The following TMEM132D variants were observed in gnomAD, a reference collection of about 807,000 sequenced individuals.
The protein encoded by TMEM132D is transmembrane protein 132D.
Under a neutral mutation model 62.3 loss-of-function variants are expected in TMEM132D, and 21 were observed. That is an observed-to-expected ratio of 0.34 (90% CI 0.24 to 0.49). The LOEUF is 0.49. Ranked by LOEUF, TMEM132D falls within the 20% of genes least tolerant of loss-of-function variation. The probability of loss-of-function intolerance (pLI) is 0.99; values close to 1 mark genes in which losing one functional copy is unlikely to be tolerated. For synonymous variants in TMEM132D, 621 were observed against 575.6 expected, an observed-to-expected ratio of 1.08 and a Z score of -1.13; for missense variants, 1,346 against 1,402.8, an observed-to-expected ratio of 0.96 and a Z score of 0.65.
At chr12:129,574,691 C>T (rs1877609650) in intron 2 of TMEM132D, among the ~76,000 whole-genome samples, 1 of 151,708 alleles carries the variant, frequency 6.6e-6, no homozygotes, top group Non-Finnish European at 1.5e-5. Context: ...TCAGCATCCA[C>T]AGCGAGATGA....
At chr12:129,314,321 T>C (rs1357908981) in intron 4 of TMEM132D, among the ~76,000 whole-genome samples, 2 of 152,170 alleles carry the variant, frequency 1.3e-5, no homozygotes, top group Non-Finnish European at 2.9e-5. Context: ...TCCGTTTCAT[T>C]CTCCTAAAAG....
intron 3 of TMEM132D, among the ~76,000 whole-genome samples, chr12:129,470,454 G>A (rs963998390): frequency 1.3e-5 from 2 of 152,062 alleles, no homozygotes; most frequent in South Asian, 2.1e-4. Context: ...CCTACTTTGC[G>A]CCAGGCATAT....
rs111739697 is a variant in TMEM132D at position 129,112,598 on chromosome 12, G to A, written c.1444-27896C>T. On this transcript the variant is annotated intron_variant, in intron 5 of 8. Coordinates refer to ENST00000422113, the MANE Select transcript of TMEM132D (RefSeq NM_133448.3). ...GAATCACTTGAACCTGGGAGGCAGA[G>A]GTTGCGGTGAGCCAAGATCATGCCG... Among the ~76,000 whole-genome samples the A allele has an allele frequency of 9.1e-3, 1,391 of 152,346 alleles. 30 individuals carry two copies. The highest frequency in any genetic ancestry group is 0.032 in the African/African-American group (1,324 of 41,578).
rs373367311 is a variant in TMEM132D at position 129,692,941 on chromosome 12, C to T, written c.968+6869G>A. Among the ~76,000 whole-genome samples the T allele has an allele frequency of 2.6e-5, 4 of 152,068 alleles. No individual in the cohort carries two copies. The East Asian group carries it at 5.8e-4, about 22-fold the overall frequency. On this transcript the variant is annotated intron_variant, in intron 2 of 8. Transcript: ENST00000422113. ...AAGTGCAGCAAACCACCACGGCACA[C>T]GTTAACCTATGTAACAAACCTGCAC...
chr12:129,405,815 T>C (rs1051252747), intron 3 of TMEM132D, among the ~76,000 whole-genome samples: 2 of 152,144 alleles, frequency 1.3e-5, no homozygotes, highest in South Asian at 2.1e-4. Flanking sequence ...TACTATAATA[T>C]TTAGGTGACT....
intron 1 of TMEM132D, among the ~76,000 whole-genome samples, chr12:129,839,560 G>T (rs1181378738): frequency 6.6e-6 from 1 of 152,120 alleles, no homozygotes; most frequent in African/African-American, 2.4e-5. Flanking sequence ...ACTGTGCCCG[G>T]CCTTAAACTT....
intron 3 of TMEM132D, among the ~76,000 whole-genome samples, chr12:129,516,786 A>G (rs975427001): frequency 1.3e-5 from 2 of 152,230 alleles, no homozygotes; most frequent in African/African-American, 2.4e-5. Context: ...CATAATGTGG[A>G]TTGACTCCTT....
intron 2 of TMEM132D, among the ~76,000 whole-genome samples, chr12:129,602,793 C>A (rs1275734511): frequency 2.6e-5 from 4 of 152,030 alleles, no homozygotes; most frequent in South Asian, 2.1e-4. Context: ...AAAGACACAC[C>A]CAAACTGGGT....
chr12:129,560,067 C>T (rs139089983), intron 2 of TMEM132D, among the ~76,000 whole-genome samples: 8 of 152,238 alleles, frequency 5.3e-5, no homozygotes, highest in South Asian at 4.1e-4. Flanking sequence ...AAAAGTGTAA[C>T]GCTGACAGCT....
chr12:129,850,132 A>G (rs2137351970), intron 1 of TMEM132D, among the ~76,000 whole-genome samples: 1 of 152,328 alleles, frequency 6.6e-6, no homozygotes, highest in African/African-American at 2.4e-5. Context: ...GAGGAAGCGA[A>G]AGGCCCAAGT....
chr12:129,679,305 T>C (rs1880722202), intron 2 of TMEM132D, among the ~76,000 whole-genome samples: 1 of 152,194 alleles, frequency 6.6e-6, no homozygotes, highest in Non-Finnish European at 1.5e-5. Flanking sequence ...ATTTTTAAAA[T>C]GTTATAATCA....
Position 129,700,078 on chromosome 12 carries a change from C to T in TMEM132D, c.700G>A (p.Gly234Ser), listed in dbSNP as rs745657278. The change falls in exon 2 of 9, where the codon GGT (glycine) becomes AGT (serine). Residue 234 changes from glycine (G) to serine (S), a missense_variant. By Grantham distance (56) the Gly-to-Ser change is moderately conservative (BLOSUM62 0). Transcript: ENST00000422113. ...TCCCTGACGCAGTCCCCTCTCTCAC[C>T]CCCTGGGTGCACGGTGTAGTAGAGC... ...VELYYTVHPG[G>S]ERGDCVREDA... The T allele has an allele frequency of 1.2e-5, 20 of 1,613,664 alleles. No individual in the cohort carries two copies. Among genetic ancestry groups the T allele is most frequent in the Middle Eastern group, 1.6e-4 (1 of 6,062 alleles).
chr12:129,527,154 C>CA (rs1424590021), intron 3 of TMEM132D, among the ~76,000 whole-genome samples: 6 of 152,000 alleles, frequency 3.9e-5, no homozygotes, highest in Admixed American at 2.0e-4. Context: ...ACTATATATA[C>CA]AAAAATTAGC....
At chr12:129,604,376 A>C (rs928032399) in intron 2 of TMEM132D, among the ~76,000 whole-genome samples, 2 of 152,112 alleles carry the variant, frequency 1.3e-5, no homozygotes, top group African/African-American at 4.8e-5. Context: ...ACCACAGTTT[A>C]TTTATTTATT....
intron 5 of TMEM132D, among the ~76,000 whole-genome samples, chr12:129,151,593 A>G (rs1877073805): frequency 6.6e-6 from 1 of 152,138 alleles, no homozygotes; most frequent in South Asian, 2.1e-4. Flanking sequence ...ATATTATGGA[A>G]TATTTCTCTA....
At chr12:129,871,584 G>A (rs1344551971) in intron 1 of TMEM132D, among the ~76,000 whole-genome samples, 1 of 152,070 alleles carries the variant, frequency 6.6e-6, no homozygotes, top group Non-Finnish European at 1.5e-5. Context: ...TTTCTAGCAA[G>A]CAGAAGCAAC....
chr12:129,268,827 AC>A (rs1167744954), intron 4 of TMEM132D, among the ~76,000 whole-genome samples: 1 of 152,128 alleles, frequency 6.6e-6, no homozygotes, highest in Non-Finnish European at 1.5e-5. Context: ...ACCATGGAAT[AC>A]TATGCAGCCA....
chr12:129,465,963 A>T (rs1053427791), intron 3 of TMEM132D, among the ~76,000 whole-genome samples: 1 of 152,194 alleles, frequency 6.6e-6, no homozygotes, highest in Non-Finnish European at 1.5e-5. Flanking sequence ...GATTACAGGC[A>T]TGAGCCATTG....
At chr12:129,748,045 G>A (rs1221958936) in intron 1 of TMEM132D, among the ~76,000 whole-genome samples, 1 of 152,188 alleles carries the variant, frequency 6.6e-6, no homozygotes, top group Admixed American at 6.5e-5. Flanking sequence ...CTGTGCATTT[G>A]CAACAGGGCT....
Sources: gnomAD v4.1 joint callset for allele counts (sites outside exome capture counted in the v4.1 genomes callset) on GRCh38, gnomAD v4.1.1 for gene constraint, MANE v1.5 for transcripts, NCBI Gene and HGNC (gene_info 2026-07-23, HGNC 2026-07-21) for gene names.